The following SIPA1L3 variants were observed in gnomAD, a reference collection of about 807,000 sequenced individuals.
SIPA1L3 encodes signal-induced proliferation-associated 1-like protein 3.
Under a neutral mutation model 150.1 loss-of-function variants are expected in SIPA1L3, and 59 were observed. The ratio of observed to expected loss-of-function variants is 0.39; its 90% confidence interval spans 0.32 to 0.49. The LOEUF (loss-of-function observed/expected upper bound fraction) is 0.49. Among genes scored for constraint, SIPA1L3 ranks in the 20% least tolerant of loss-of-function variants. The probability of loss-of-function intolerance (pLI) is 0.86; values close to 1 mark genes in which losing one functional copy is unlikely to be tolerated. For missense variants in SIPA1L3, 2,211 were observed against 2,489.5 expected (o/e 0.89, Z 2.38); for synonymous variants, 1,070 against 1,077.6 (o/e 0.99, Z 0.14).
chr19:38,186,665 T>A (rs114227246), intron 16 of SIPA1L3, among the ~76,000 whole-genome samples: 2,653 of 150,750 alleles, frequency 0.018, 93 homozygotes, highest in South Asian at 0.11. Context: ...CCTTTTCATA[T>A]GTATTTAGTT....
chr19:37,954,941 G>C (rs1164804136), intron 1 of SIPA1L3, among the ~76,000 whole-genome samples: 1 of 151,928 alleles, frequency 6.6e-6, no homozygotes. Context: ...ACAAAAATTA[G>C]CCAGGCATTG....
intron 9 of SIPA1L3, among the ~76,000 whole-genome samples, chr19:38,120,429 GC>G (rs774191284): frequency 4.6e-5 from 7 of 151,984 alleles, no homozygotes; most frequent in Non-Finnish European, 8.8e-5. Context: ...CTGAGATGAC[GC>G]CACTGCACTT....
In SIPA1L3 at chr19:38,088,585, G is replaced by C. The variant is rs1440364612; in HGVS notation, c.1535-136G>C. 2.8e-6 allele frequency: 3 copies of C among 1,066,610 alleles called. No homozygotes were observed. In the South Asian group the frequency reaches 4.7e-5, roughly 17 times the overall value. 66.1% of individuals were successfully genotyped at this position (1,066,610 alleles called of 1,614,324 possible). A position where few individuals can be genotyped will look rare whatever the true frequency, so the allele number is the denominator to read the frequency against. ...CTCCACTGGGGGTGTCTGTGACCAG[G>C]CATGAGGTTTGCGTGACCAGCATCC... On this transcript the variant is annotated intron_variant, in intron 3 of 21. Coordinates refer to ENST00000222345, the MANE Select transcript of SIPA1L3 (RefSeq NM_015073.3).
rs948961367 is a variant in SIPA1L3 at position 38,206,546 on chromosome 19, C to T, written c.*306C>T. On this transcript the variant is annotated 3_prime_UTR_variant, in exon 22 of 22. Coordinates refer to ENST00000222345, the MANE Select transcript of SIPA1L3 (RefSeq NM_015073.3). ...CCCGCTGTCCCCATCTAGCCTCTTC[C>T]TGGGACCAGCCCTTCGAAGCTGATG... 3.7e-6 allele frequency: 1 copy of T among 269,118 alleles called. No homozygotes were observed. Among genetic ancestry groups the T allele is most frequent in the African/African-American group, 2.2e-5 (1 of 45,410 alleles). The allele number at this position is 269,118 out of a possible 1,614,324, so 16.7% of individuals were successfully genotyped here. A position where few individuals can be genotyped will look rare whatever the true frequency, so the allele number is the denominator to read the frequency against.
intron 1 of SIPA1L3, among the ~76,000 whole-genome samples, chr19:38,021,672 G>A (rs1273014673): frequency 2.0e-5 from 3 of 151,946 alleles, no homozygotes; most frequent in African/African-American, 7.3e-5. Flanking sequence ...CTCCCAAGTA[G>A]CTGGGGCTAC....
chr19:38,117,471 T>C (rs1048771033), intron 8 of SIPA1L3, among the ~76,000 whole-genome samples: 8 of 151,872 alleles, frequency 5.3e-5, no homozygotes, highest in African/African-American at 1.5e-4. Flanking sequence ...AATACAAAAT[T>C]AGCCAGGCGT....
chr19:38,138,373 G>C (rs894892969), intron 10 of SIPA1L3, among the ~76,000 whole-genome samples: 3 of 152,114 alleles, frequency 2.0e-5, no homozygotes, highest in Admixed American at 6.6e-5. Context: ...GTGATGTACT[G>C]ATCAGGACTC....
At chr19:38,157,521 G>A (rs2145970603) in intron 13 of SIPA1L3, among the ~76,000 whole-genome samples, 1 of 152,302 alleles carries the variant, frequency 6.6e-6, no homozygotes, top group Non-Finnish European at 1.5e-5. Flanking sequence ...CAGAGTGTGA[G>A]CGTTTCCCAG....
In SIPA1L3 at chr19:38,144,627, G is replaced by A. The variant is rs558100987; in HGVS notation, c.3533+1917G>A. On this transcript the variant is annotated intron_variant, in intron 12 of 21. Transcript: ENST00000222345. ...GCCTCTTGTTCAATTGGAGAAACAC[G>A]CCCACTGTTTCTTCTTCTAGTAGCC... Among the ~76,000 whole-genome samples, 10 of 152,318 alleles carry A rather than the reference G, an allele frequency of 6.6e-5. No homozygotes were observed. In the East Asian group the frequency reaches 1.9e-3, roughly 29 times the overall value.
intron 1 of SIPA1L3, among the ~76,000 whole-genome samples, chr19:37,987,619 C>G (rs948151933): frequency 1.3e-5 from 2 of 152,200 alleles, no homozygotes; most frequent in African/African-American, 4.8e-5. Context: ...AGTGTTGTCC[C>G]TAGTTGGTTA....
intron 1 of SIPA1L3, among the ~76,000 whole-genome samples, chr19:38,014,959 G>A (rs924500848): frequency 4.6e-5 from 7 of 151,464 alleles, no homozygotes; most frequent in South Asian, 2.1e-4. Flanking sequence ...GTGAGCCACC[G>A]TGCCTGGCAG....
At chr19:38,039,009 G>A (rs932161824) in intron 2 of SIPA1L3, among the ~76,000 whole-genome samples, 4 of 152,042 alleles carry the variant, frequency 2.6e-5, no homozygotes, top group Admixed American at 2.6e-4. Context: ...TCAGCCTCCT[G>A]AGTAGCTGGA....
chr19:37,930,413 C>T (rs2145498240), intron 1 of SIPA1L3, among the ~76,000 whole-genome samples: 1 of 152,252 alleles, frequency 6.6e-6, no homozygotes, highest in Non-Finnish European at 1.5e-5. Context: ...CCCACTTCAG[C>T]CTCCCAAAGT....
Position 38,119,384 on chromosome 19 carries a change from C to T in SIPA1L3, c.2370C>T (p.Asp790=), listed in dbSNP as rs762805571. Residue 790 remains aspartate, a synonymous_variant, in exon 9 of 22, where the codon GAC becomes GAT. Transcript: ENST00000222345. ...IPSGTTFRKS[D]VFRDFLLAKV... The stretch of plus-strand genomic sequence containing the variant: ...GTGGAACCACATTCCGCAAATCCGA[C>T]GTCTTCAGAGACTTCTTGCTGGCCA... 8 of 1,614,200 alleles carry T rather than the reference C, an allele frequency of 5.0e-6. No homozygotes were observed. Among genetic ancestry groups the T allele is most frequent in the African/African-American group, 1.3e-5 (1 of 75,044 alleles).
chr19:38,019,280 A>G (rs1296642460), intron 1 of SIPA1L3, among the ~76,000 whole-genome samples: 3 of 152,210 alleles, frequency 2.0e-5, no homozygotes, highest in African/African-American at 7.2e-5. Context: ...AGAAAAGCAG[A>G]GTGCTTTGAT....
chr19:38,070,470 C>T (rs149138206), intron 2 of SIPA1L3, among the ~76,000 whole-genome samples: 76 of 152,290 alleles, frequency 5.0e-4, no homozygotes, highest in African/African-American at 1.7e-3. Context: ...AGCAGGGGCA[C>T]AGTCTGTCCT....
chr19:38,026,473 C>T (rs1195632174), intron 1 of SIPA1L3, among the ~76,000 whole-genome samples: 6 of 152,122 alleles, frequency 3.9e-5, no homozygotes, highest in Non-Finnish European at 8.8e-5. Flanking sequence ...CCCACCTCCA[C>T]CCACAACCCA....
chr19:38,193,449 C>A, intron 17 of SIPA1L3, 88 bp from the exon 18 acceptor site: 2 of 1,356,410 alleles, frequency 1.5e-6, no homozygotes, highest in Non-Finnish European at 1.9e-6. Flanking sequence ...GGACTCGCCA[C>A]CAATGTCCTA....
chr19:37,921,926 T>C (rs2046460795), intron 1 of SIPA1L3, among the ~76,000 whole-genome samples: 1 of 152,042 alleles, frequency 6.6e-6, no homozygotes, highest in South Asian at 2.1e-4. Flanking sequence ...AAGGCACCTT[T>C]TGCAGTTCTT....
Sources: allele counts gnomAD v4.1 joint callset (sites outside exome capture counted in the v4.1 genomes callset), GRCh38; gene constraint gnomAD v4.1.1; transcripts MANE v1.5; gene names NCBI Gene and HGNC (gene_info 2026-07-23, HGNC 2026-07-21).